Variants in ABCC4 observed in about 807,000 individuals in gnomAD.
The protein encoded by ABCC4 is ATP binding cassette subfamily C member 4 (PEL blood group), also known as ATP-binding cassette sub-family C member 4.
ABCC4 carries 102 observed loss-of-function variants against 168.5 expected under a neutral mutation model. The observed-to-expected ratio is 0.61, with a 90% CI of 0.52 to 0.71. ABCC4 has a LOEUF of 0.71. Among genes scored for constraint, ABCC4 ranks in the 30% least tolerant of loss-of-function variants. The pLI is 0.00. For missense variants in ABCC4, 1,402 were observed against 1,605.8 expected, an observed-to-expected ratio of 0.87 and a Z score of 2.17; for synonymous variants, 617 against 590.7, an observed-to-expected ratio of 1.04 and a Z score of -0.65.
At chr13:95,039,350 A>G (rs1288342684) in intron 29 of ABCC4, among the ~76,000 whole-genome samples, 3 of 152,210 alleles carry the variant, frequency 2.0e-5, no homozygotes, top group Admixed American at 2.0e-4. Context: ...GTATTTACTG[A>G]TTTGACCAAA....
At chr13:95,126,280 A>T (rs2035757797) in intron 19 of ABCC4, among the ~76,000 whole-genome samples, 1 of 152,146 alleles carries the variant, frequency 6.6e-6, no homozygotes, top group Non-Finnish European at 1.5e-5. Context: ...AGACATACCA[A>T]GCGGTCTACA....
intron 19 of ABCC4, among the ~76,000 whole-genome samples, chr13:95,142,891 C>CA (rs946400896): frequency 6.6e-6 from 1 of 151,776 alleles, no homozygotes; most frequent in South Asian, 2.1e-4. Context: ...AAATTACTGC[C>CA]AAAAAAATAT....
chr13:95,167,216 A>G (rs993996349), intron 14 of ABCC4, among the ~76,000 whole-genome samples: 3 of 147,380 alleles, frequency 2.0e-5, no homozygotes, highest in Non-Finnish European at 3.0e-5. Context: ...ATAAATAAAT[A>G]AATAATTGCC....
At chr13:95,266,358 A>T (rs953937134) in intron 1 of ABCC4, 2 of 152,464 alleles carry the variant, frequency 1.3e-5, no homozygotes, top group Non-Finnish European at 2.9e-5. Flanking sequence ...GACGGCCGGC[A>T]GCCACCAGAA....
chr13:95,296,168 ACACACACACACACAC>A lies in ABCC4; in HGVS notation c.74+5058_74+5072del, dbSNP rs2041527955. Reference sequence around the variant, plus strand: ...CACACACACACACACACACACACACACACACACACACACACAAAAACACAAAATTAAATGGCCAGG... The same window carrying A: ...CACACACACACACACACACACACACAAAAAACACAAAATTAAATGGCCAGG... On this transcript the variant is annotated intron_variant, in intron 1 of 30. Coordinates refer to ENST00000645237, the MANE Select transcript of ABCC4 (RefSeq NM_005845.5). Among the ~76,000 whole-genome samples, 5 of 101,092 alleles carry A rather than the reference ACACACACACACACAC, an allele frequency of 4.9e-5. No homozygotes were observed. In the Admixed American group the frequency reaches 6.5e-4, roughly 13 times the overall value. 66.3% of individuals were successfully genotyped at this position (101,092 alleles called of 152,430 possible).
chr13:95,233,275 T>A (rs2039674351), intron 4 of ABCC4, among the ~76,000 whole-genome samples: 1 of 150,826 alleles, frequency 6.6e-6, no homozygotes, highest in African/African-American at 2.5e-5. Context: ...TATTAGGTAT[T>A]ATAAGTAAAC....
intron 4 of ABCC4, among the ~76,000 whole-genome samples, chr13:95,232,720 A>G (rs1353511247): frequency 6.6e-6 from 1 of 152,060 alleles, no homozygotes; most frequent in African/African-American, 2.4e-5. Context: ...ACGGCCCAGG[A>G]CAAAGAGATA....
chr13:95,229,921 C>G (rs1449610613), intron 4 of ABCC4, among the ~76,000 whole-genome samples: 1 of 152,202 alleles, frequency 6.6e-6, no homozygotes, highest in Non-Finnish European at 1.5e-5. Context: ...GTGCTCTAAG[C>G]TATAGAAGTA....
intron 1 of ABCC4, among the ~76,000 whole-genome samples, chr13:95,284,161 T>A (rs1240132064): frequency 1.3e-5 from 2 of 152,106 alleles, no homozygotes; most frequent in East Asian, 3.9e-4. Context: ...TTTTTTGTTT[T>A]GGTTTTGTTT....
chr13:95,025,322 CCACACCCA>C (rs2031431752), intron 30 of ABCC4, among the ~76,000 whole-genome samples: 1 of 44,438 alleles, frequency 2.3e-5, no homozygotes, highest in Non-Finnish European at 4.6e-5. Flanking sequence ...CCACACACAC[CCACACCCA>C]CACACCCATA....
chr13:95,098,134 TAAA>T (rs66704412), intron 20 of ABCC4, among the ~76,000 whole-genome samples: 1 of 114,120 alleles, frequency 8.8e-6, no homozygotes. Context: ...AGATACTGTC[TAAA>T]AAAAAAAAAA....
chr13:95,165,077 C>T (rs1004368734), intron 15 of ABCC4, among the ~76,000 whole-genome samples: 1 of 152,104 alleles, frequency 6.6e-6, no homozygotes, highest in Non-Finnish European at 1.5e-5. Context: ...GACATTGTGG[C>T]GTGGCTTGCT....
chr13:95,296,437 G>C (rs539062307), intron 1 of ABCC4, among the ~76,000 whole-genome samples: 3 of 152,226 alleles, frequency 2.0e-5, no homozygotes, highest in East Asian at 3.9e-4. Context: ...TCAGCCACTT[G>C]TGTTTGCTTC....
chr13:95,209,049 T>TAC (rs201824644), intron 6 of ABCC4, among the ~76,000 whole-genome samples: 1 of 83,304 alleles, frequency 1.2e-5, no homozygotes, highest in African/African-American at 4.9e-5. Context: ...CACACATATA[T>TAC]ACACGTGAAA....
chr13:95,152,567 A>G (rs1316289253), intron 19 of ABCC4, among the ~76,000 whole-genome samples: 2 of 152,212 alleles, frequency 1.3e-5, no homozygotes, highest in African/African-American at 2.4e-5. Flanking sequence ...GTAATTACCT[A>G]AATTAGAATG....
At chr13:95,164,040 C>CAAA (rs764381643) in intron 16 of ABCC4, among the ~76,000 whole-genome samples, 57 of 74,662 alleles carry the variant, frequency 7.6e-4, no homozygotes, top group East Asian at 3.3e-3. Flanking sequence ...AACTCCATCT[C>CAAA]AAAAAAAAAA....
At chr13:95,145,541 T>C (rs1208329804) in intron 19 of ABCC4, among the ~76,000 whole-genome samples, 1 of 151,278 alleles carries the variant, frequency 6.6e-6, no homozygotes, top group African/African-American at 2.4e-5. Flanking sequence ...GGAGAATCAC[T>C]TGACTCCGGG....
rs987167343 is a variant in ABCC4, at chr13:95,095,940, TA to T, written c.2536-12651del. 240 of 386,978 alleles carry T rather than the reference TA, an allele frequency of 6.2e-4. 2 individuals are homozygous for T. Among genetic ancestry groups the T allele is most frequent in the Middle Eastern group, 1.3e-3 (2 of 1,518 alleles). 24.0% of individuals were successfully genotyped at this position (386,978 alleles called of 1,614,324 possible). A position where few individuals can be genotyped will look rare whatever the true frequency, so the allele number is the denominator to read the frequency against. ...TCAATAGAAAAATTGTTAAGACACT[TA>T]AATAGGTGCTTACCCAAATGATATT... On this transcript the variant is annotated intron_variant, in intron 20 of 30. Coordinates refer to ENST00000645237, the MANE Select transcript of ABCC4 (RefSeq NM_005845.5).
At chr13:95,044,568 C>A in intron 27 of ABCC4, 130 bp from the exon 28 acceptor site, 1 of 666,918 alleles carries the variant, frequency 1.5e-6, no homozygotes, top group South Asian at 2.9e-5. Context: ...ACACATGAGG[C>A]TGAATTACCT....
Sources: gnomAD v4.1 joint callset for allele counts (sites outside exome capture counted in the v4.1 genomes callset) on GRCh38, gnomAD v4.1.1 for gene constraint, MANE v1.5 for transcripts, NCBI Gene and HGNC (gene_info 2026-07-23, HGNC 2026-07-21) for gene names.